Variants in SMIM35 observed in about 807,000 individuals in gnomAD.
SMIM35 encodes small integral membrane protein 35.
At chr11:118,060,493 G>A (rs921848553) in intron 1 of SMIM35, among the ~76,000 whole-genome samples, 2 of 152,226 alleles carry the variant, frequency 1.3e-5, no homozygotes, top group African/African-American at 4.8e-5. Flanking sequence ...TTCTTCCCAG[G>A]CCGGCAGCGA....
At chr11:118,071,779 G>A (rs1251659501) in intron 1 of SMIM35, among the ~76,000 whole-genome samples, 1 of 152,140 alleles carries the variant, frequency 6.6e-6, no homozygotes, top group African/African-American at 2.4e-5. Flanking sequence ...TCCTGAGTGT[G>A]GGAAGAGACC....
chr11:118,053,806 GAC>G (rs1944262948), intron 1 of SMIM35, among the ~76,000 whole-genome samples: 1 of 152,142 alleles, frequency 6.6e-6, no homozygotes, highest in Non-Finnish European at 1.5e-5. Flanking sequence ...CTGTTCCTCT[GAC>G]AGTGATGTGG....
chr11:118,061,877 CA>C (rs1308411294), intron 1 of SMIM35, among the ~76,000 whole-genome samples: 20 of 152,262 alleles, frequency 1.3e-4, no homozygotes, highest in African/African-American at 4.8e-4. Context: ...TTTTGCAGCC[CA>C]CAGCAAAAGC....
intron 1 of SMIM35, among the ~76,000 whole-genome samples, chr11:118,027,895 A>G (rs1309731720): frequency 1.3e-5 from 2 of 152,218 alleles, no homozygotes; most frequent in Admixed American, 6.5e-5. Context: ...CACTCTTACC[A>G]TTAAGATGCA....
chr11:118,039,401 G>A (rs12223183), intron 1 of SMIM35, among the ~76,000 whole-genome samples: 6,056 of 152,112 alleles, frequency 0.04, 207 homozygotes, highest in East Asian at 0.19. Flanking sequence ...GGCCTCTTTA[G>A]GGCTGTACAA....
At chr11:118,055,638 T>C (rs1198135351) in intron 1 of SMIM35, among the ~76,000 whole-genome samples, 1 of 152,200 alleles carries the variant, frequency 6.6e-6, no homozygotes, top group Non-Finnish European at 1.5e-5. Flanking sequence ...GACTCTACTC[T>C]ATGCAATTCA....
At chr11:118,067,860 C>CAT (rs57497227) in intron 1 of SMIM35, among the ~76,000 whole-genome samples, 2,595 of 78,118 alleles carry the variant, frequency 0.033, 65 homozygotes, top group Non-Finnish European at 0.037. Context: ...CAACAACAAA[C>CAT]ATATATATAT....
At chr11:118,066,954 A>C (rs1944483602) in intron 1 of SMIM35, among the ~76,000 whole-genome samples, 1 of 152,074 alleles carries the variant, frequency 6.6e-6, no homozygotes, top group South Asian at 2.1e-4. Flanking sequence ...CCTTCCGAAT[A>C]GGGGAGCAAG....
At chr11:118,017,574 G>A (rs1435041060) in intron 1 of SMIM35, among the ~76,000 whole-genome samples, 1 of 152,186 alleles carries the variant, frequency 6.6e-6, no homozygotes, top group Admixed American at 6.6e-5. Flanking sequence ...AGAAAGCATT[G>A]TGAAGGGAGA....
intron 1 of SMIM35, among the ~76,000 whole-genome samples, chr11:118,046,305 A>T (rs1268138365): frequency 2.6e-5 from 4 of 152,164 alleles, no homozygotes; most frequent in Admixed American, 1.3e-4. Flanking sequence ...GGGCCCCTTT[A>T]TCTTTAAGTG....
chr11:118,061,947 C>T lies in SMIM35; in HGVS notation c.7+24804G>A, dbSNP rs573541249. On this transcript the variant is annotated intron_variant, in intron 1 of 4. Coordinates refer to ENST00000689828, the MANE Select transcript of SMIM35 (RefSeq NM_001394165.1). The stretch of plus-strand genomic sequence containing the variant: ...TGGGGCAGAACCCCACCAACTGCCT[C>T]GGTCCAAGTTCATTACAACTCAGTC... 3.9e-5 allele frequency among the ~76,000 whole-genome samples: 6 copies of T among 152,294 alleles called. No homozygotes were observed. In the East Asian group the frequency reaches 7.7e-4, roughly 20 times the overall value.
chr11:118,040,910 CATT>C (rs1018380671), intron 1 of SMIM35, among the ~76,000 whole-genome samples: 2 of 151,690 alleles, frequency 1.3e-5, no homozygotes, highest in Admixed American at 6.6e-5. Flanking sequence ...GAGTTTGTAA[CATT>C]AATAGATGTG....
intron 1 of SMIM35, among the ~76,000 whole-genome samples, chr11:118,033,666 C>T (rs946152920): frequency 7.9e-5 from 12 of 152,108 alleles, no homozygotes; most frequent in Non-Finnish European, 2.9e-5. Flanking sequence ...AAGAAAAGTG[C>T]CTCCCTCCCT....
At chr11:118,025,524 G>T (rs1168610126) in intron 1 of SMIM35, 3 of 455,094 alleles carry the variant, frequency 6.6e-6, no homozygotes, top group South Asian at 4.7e-5. Flanking sequence ...GTTTTGATTT[G>T]CATTTTTCCA....
At chr11:118,055,957 T>A (rs1944303298) in intron 1 of SMIM35, among the ~76,000 whole-genome samples, 1 of 151,760 alleles carries the variant, frequency 6.6e-6, no homozygotes, top group South Asian at 2.1e-4. Context: ...CTGGACTATG[T>A]GAGGTCTGTG....
rs1191233363 is a variant in SMIM35, at chr11:118,004,061, GC to G, written c.*2348del. ...GGGCTCTCTTCCTGGCTTGGAGACG[GC>G]CTCCTTCTTGCTGTGGCCTTACACG... On this transcript the variant is annotated 3_prime_UTR_variant, in exon 5 of 5. Coordinates refer to ENST00000689828, the MANE Select transcript of SMIM35 (RefSeq NM_001394165.1). 6.6e-6 allele frequency: 1 copy of G among 152,166 alleles called. No homozygotes were observed. The highest frequency in any genetic ancestry group is 1.5e-5 in the Non-Finnish European group (1 of 68,060). 9.4% of individuals were successfully genotyped at this position (152,166 alleles called of 1,614,324 possible).
intron 1 of SMIM35, among the ~76,000 whole-genome samples, chr11:118,050,291 AG>A (rs1944189924): frequency 6.6e-6 from 1 of 152,252 alleles, no homozygotes; most frequent in Non-Finnish European, 1.5e-5. Context: ...GCAGCATCCC[AG>A]GCACAGGTTG....
At chr11:118,065,752 G>T (rs753397688) in intron 1 of SMIM35, among the ~76,000 whole-genome samples, 3 of 152,112 alleles carry the variant, frequency 2.0e-5, no homozygotes, top group Non-Finnish European at 4.4e-5. Flanking sequence ...TGAGCTTCTT[G>T]TTCAGCCCAC....
intron 1 of SMIM35, among the ~76,000 whole-genome samples, chr11:118,039,195 A>AAG (rs894589361): frequency 7.9e-5 from 12 of 152,356 alleles, no homozygotes; most frequent in Middle Eastern, 3.4e-3. Context: ...ACTGGGAGGC[A>AAG]AGAGAAGGTG....
Sources: gnomAD v4.1 joint callset for allele counts (sites outside exome capture counted in the v4.1 genomes callset) on GRCh38, gnomAD v4.1.1 for gene constraint, MANE v1.5 for transcripts, NCBI Gene and HGNC (gene_info 2026-07-23, HGNC 2026-07-21) for gene names.